Variants in FBLN7 observed in about 807,000 individuals in gnomAD.
FBLN7 encodes fibulin 7.
In FBLN7, 31 loss-of-function variants were observed where a neutral mutation model predicts 44.0. The ratio of observed to expected loss-of-function variants is 0.70; its 90% CI spans 0.53 to 0.95. FBLN7 has a LOEUF of 0.95. Among genes scored for constraint, FBLN7 ranks in the 40% least tolerant of loss-of-function variants. FBLN7 has a pLI of 0.00. For missense variants in FBLN7, 573 were observed against 618.5 expected (o/e 0.93, Z 0.78); for synonymous variants, 262 against 253.4 (o/e 1.03, Z -0.32).
chr2:112,139,219 A>C (rs1411128590), intron 1 of FBLN7, among the ~76,000 whole-genome samples: 77 of 8,912 alleles, frequency 8.6e-3, no homozygotes, highest in Admixed American at 0.014. Context: ...AGTGTCCTTC[A>C]CGCCTCTCTC....
At chr2:112,160,712 ACAAG>A (rs1558879747) in intron 2 of FBLN7, among the ~76,000 whole-genome samples, 2 of 147,332 alleles carry the variant, frequency 1.4e-5, no homozygotes, top group African/African-American at 2.5e-5. Context: ...ACGCACACAC[ACAAG>A]CACGCGCACA....
chr2:112,144,947 T>C (rs767599016), intron 1 of FBLN7, among the ~76,000 whole-genome samples: 17 of 152,376 alleles, frequency 1.1e-4, no homozygotes, highest in Non-Finnish European at 2.1e-4. Context: ...TGTATTTTCA[T>C]TTCTTATGGG....
At chr2:112,220,141 A>G in the FBLN7 span, among the ~76,000 whole-genome samples, 2 of 152,238 alleles carry the variant, frequency 1.3e-5, no homozygotes, top group African/African-American at 4.8e-5. Flanking sequence ...TGTGTAGCCT[A>G]TTTACATTCA....
chr2:112,221,709 A>G, the FBLN7 span, among the ~76,000 whole-genome samples: 1 of 152,032 alleles, frequency 6.6e-6, no homozygotes, highest in Admixed American at 6.5e-5. Context: ...CTTCAGCTTT[A>G]TCAGGTCAGT....
chr2:112,186,773 G>A (rs1683291035), intron 7 of FBLN7, among the ~76,000 whole-genome samples: 1 of 152,236 alleles, frequency 6.6e-6, no homozygotes, highest in Non-Finnish European at 1.5e-5. Flanking sequence ...GCAGCACATG[G>A]AGAAAGGGCA....
chr2:112,227,433 G>A, the FBLN7 span, among the ~76,000 whole-genome samples: 1 of 152,208 alleles, frequency 6.6e-6, no homozygotes, highest in Non-Finnish European at 1.5e-5. Flanking sequence ...GCTGAGGCAG[G>A]AGAATCACCT....
chr2:112,173,160 G>A (rs764596405), intron 3 of FBLN7, among the ~76,000 whole-genome samples: 19 of 152,178 alleles, frequency 1.2e-4, no homozygotes, highest in Non-Finnish European at 2.5e-4. Flanking sequence ...GTTTGCTCAC[G>A]TTGGAAAAAC....
chr2:112,185,440 A>G, intron 7 of FBLN7, 101 bp downstream of exon 7: 1 of 1,452,820 alleles, frequency 6.9e-7, no homozygotes, highest in Non-Finnish European at 9.2e-7. Flanking sequence ...GTTATACCAT[A>G]GAAAGATGAG....
At chr2:112,166,119 C>T (rs1433709333) in intron 3 of FBLN7, among the ~76,000 whole-genome samples, 1 of 152,232 alleles carries the variant, frequency 6.6e-6, no homozygotes, top group Non-Finnish European at 1.5e-5. Context: ...GGCATAATCT[C>T]AGCTCACTGC....
chr2:112,231,005 G>A, the FBLN7 span: 2 of 1,078,638 alleles, frequency 1.9e-6, no homozygotes, highest in Non-Finnish European at 2.4e-6. Context: ...TGTAATTCAG[G>A]TATACTGTCA....
chr2:112,219,524 A>T, the FBLN7 span, among the ~76,000 whole-genome samples: 1 of 152,192 alleles, frequency 6.6e-6, no homozygotes, highest in Non-Finnish European at 1.5e-5. Context: ...TATTTACAAC[A>T]TTATTTACCC....
At position 112,185,345 on chromosome 2, in the gene FBLN7, T is replaced by C. The variant is rs1013499446; in HGVS notation, c.947+6T>C. The stretch of plus-strand genomic sequence containing the variant: ...TACGTGAAGACGTCTCCATTGTGAG[T>C]ATCTCCAGGGGAGGCACACCCTCAC... On this transcript the variant is annotated splice_donor_region_variant and intron_variant, in intron 7 of 7. Transcript: ENST00000331203. 2.5e-6 allele frequency: 4 copies of C among 1,612,182 alleles called. No homozygotes were observed. Among genetic ancestry groups the C allele is most frequent in the Non-Finnish European group, 3.4e-6 (4 of 1,178,664 alleles).
At chr2:112,208,212 C>T in the FBLN7 span, among the ~76,000 whole-genome samples, 4 of 151,930 alleles carry the variant, frequency 2.6e-5, no homozygotes, top group African/African-American at 7.3e-5. Context: ...CCAGCCTGGC[C>T]GACATGGTGA....
chr2:112,138,575 G>T lies in FBLN7; in HGVS notation c.-81G>T, dbSNP rs1558864003. On this transcript the variant is annotated 5_prime_UTR_variant, in exon 1 of 8. Coordinates refer to ENST00000331203, the MANE Select transcript of FBLN7 (RefSeq NM_153214.3). The stretch of plus-strand genomic sequence containing the variant: ...GCGGCGCCCCGCACCCTGCAGGGAC[G>T]GCTGCCGCATCGCTGGGACAAACTC... 2.6e-6 allele frequency: 4 copies of T among 1,526,304 alleles called. No individual in the cohort carries two copies. The highest frequency in any genetic ancestry group is 2.6e-5 in the East Asian group (1 of 38,304). 94.5% of individuals were successfully genotyped at this position (1,526,304 alleles called of 1,614,324 possible).
rs1480850079 is a variant in FBLN7 at position 112,187,152 on chromosome 2, C to A, written c.966C>A (p.Pro322=). 2.5e-6 allele frequency: 4 copies of A among 1,613,956 alleles called. No homozygotes were observed. In the South Asian group the frequency reaches 4.4e-5, roughly 18 times the overall value. The change falls in exon 8 of 8, where the codon CCC becomes CCA. Residue 322 remains proline, a synonymous_variant. Transcript: ENST00000331203. The surrounding 1 kb of genome is among the most constrained non-coding windows in gnomAD (Gnocchi z 5.1). ...KTSPFQCERN[P]CPMDSRPCRH... is the part of the protein sequence containing the mutation. ...GCTCCAGCCAGTGTGAGCGGAACCC[C>A]TGCCCCATGGACAGCAGGCCCTGCC...
chr2:112,151,563 C>A (rs1423714976), intron 1 of FBLN7: 1 of 152,242 alleles, frequency 6.6e-6, no homozygotes, highest in East Asian at 1.9e-4. Flanking sequence ...AAACTCCTCA[C>A]CATGGAGCTG....
the FBLN7 span, among the ~76,000 whole-genome samples, chr2:112,220,790 C>CA: frequency 2.2e-4 from 33 of 152,312 alleles, no homozygotes; most frequent in African/African-American, 7.7e-4. Context: ...CATTGCACTT[C>CA]AGCCTGAGCA....
downstream of FBLN7, among the ~76,000 whole-genome samples, chr2:112,192,738 T>C (rs957850566): frequency 6.6e-6 from 1 of 152,224 alleles, no homozygotes; most frequent in Admixed American, 6.5e-5. Context: ...GCCTCAGCTT[T>C]ACCAAGCTCT....
chr2:112,224,717 A>G, the FBLN7 span, among the ~76,000 whole-genome samples: 14 of 152,362 alleles, frequency 9.2e-5, 1 homozygote, highest in African/African-American at 1.7e-4. Context: ...AAAAGACACA[A>G]GAGTGTAGAC....
Sources: gnomAD v4.1 joint callset for allele counts (sites outside exome capture counted in the v4.1 genomes callset) on GRCh38, gnomAD v4.1.1 for gene constraint, Gnocchi (gnomAD v3.1) non-coding constraint, MANE v1.5 for transcripts, NCBI Gene and HGNC (gene_info 2026-07-23, HGNC 2026-07-21) for gene names.